The following TAB2 variants were observed in gnomAD, a reference collection of about 807,000 sequenced individuals.
The protein encoded by TAB2 is TGF-beta-activated kinase 1 and MAP3K7-binding protein 2.
Under a neutral mutation model 65.0 loss-of-function variants are expected in TAB2, and 3 were observed. The ratio of observed to expected loss-of-function variants is 0.05; its 90% CI spans 0.02 to 0.12. The LOEUF is 0.12. TAB2 is among the 10% of genes least tolerant of loss of function. The pLI is 1.00. For synonymous variants in TAB2, 298 were observed against 285.1 expected (o/e 1.05, Z -0.46); for missense variants, 623 against 840.3 (o/e 0.74, Z 3.20).
chr6:149,394,589 A>G (rs927494156), intron 3 of TAB2, among the ~76,000 whole-genome samples: 2 of 152,098 alleles, frequency 1.3e-5, no homozygotes, highest in Non-Finnish European at 2.9e-5. Context: ...TTTTTCTTTC[A>G]GGTTATTATT....
In TAB2 at chr6:149,378,869, A is replaced by C; in HGVS notation, c.954A>C (p.Ser318=). The change falls in exon 3 of 7, where the codon TCA becomes TCC. Residue 318 remains serine (S), a synonymous_variant. Coordinates refer to ENST00000637181, the MANE Select transcript of TAB2 (RefSeq NM_001292034.3). ...GCCAATATAACATTCAGAATATTTC[A>C]ACAGGACCTCGAAAAAACCAGATTG... ...AHSQYNIQNI[S]TGPRKNQIEI... 1 of 1,614,208 alleles carries C rather than the reference A, an allele frequency of 6.2e-7. No individual in the cohort carries two copies.
intron 1 of TAB2, among the ~76,000 whole-genome samples, chr6:149,232,101 C>G (rs888995034): frequency 6.6e-6 from 1 of 152,072 alleles, no homozygotes; most frequent in Non-Finnish European, 1.5e-5. Context: ...GGGAACAAGA[C>G]GTGCGCTAGA....
intron 1 of TAB2, among the ~76,000 whole-genome samples, chr6:149,345,236 A>G (rs1183658050): frequency 6.6e-6 from 1 of 152,142 alleles, no homozygotes; most frequent in Non-Finnish European, 1.5e-5. Flanking sequence ...AAATTATGAC[A>G]CTAAGCTTAG....
intron 1 of TAB2, among the ~76,000 whole-genome samples, chr6:149,269,869 T>A (rs568859914): frequency 6.6e-6 from 1 of 152,310 alleles, no homozygotes; most frequent in Admixed American, 6.5e-5. Flanking sequence ...TTGTTTCCAG[T>A]TTTTGGTGAT....
chr6:149,340,648 T>A (rs550217123), intron 1 of TAB2, among the ~76,000 whole-genome samples: 3 of 152,298 alleles, frequency 2.0e-5, no homozygotes, highest in Non-Finnish European at 4.4e-5. Context: ...TTTTATTTGA[T>A]GGTCTTTAAA....
chr6:149,255,648 A>T, intron 1 of TAB2, among the ~76,000 whole-genome samples: 1 of 152,228 alleles, frequency 6.6e-6, no homozygotes, highest in East Asian at 1.9e-4. Flanking sequence ...AATCTAATAA[A>T]TCTGGAAGTG....
At chr6:149,227,717 A>G (rs148126698) in intron 1 of TAB2, among the ~76,000 whole-genome samples, 1 of 152,334 alleles carries the variant, frequency 6.6e-6, no homozygotes, top group Non-Finnish European at 1.5e-5. Flanking sequence ...AAAATCAAGA[A>G]GAGCTGCTAA....
Position 149,378,199 on chromosome 6 carries a change from G to C in TAB2, c.284G>C (p.Ser95Thr). 6.2e-7 allele frequency: 1 copy of C among 1,614,212 alleles called. No individual in the cohort carries two copies. Among genetic ancestry groups the C allele is most frequent in the South Asian group, 1.1e-5 (1 of 91,086 alleles). The change falls in exon 3 of 7, where the codon AGT becomes ACT. Residue 95 changes from serine to threonine, a missense_variant. Physicochemically the swap from Ser to Thr is moderately conservative, Grantham distance 58. This residue lies in a region of TAB2 where 550 missense variants were observed against 665.7 expected (regional missense o/e 0.83). Coordinates refer to ENST00000637181, the MANE Select transcript of TAB2 (RefSeq NM_001292034.3). ...ATTTACCACCATGGAAGAGAAGGAA[G>C]TAGGATGAATGGAAGTAGGACTCTA... Reference protein sequence around the residue: ...QNIYHHGREGSRMNGSRTLTH... With the variant: ...QNIYHHGREGTRMNGSRTLTH...
chr6:149,312,824 AATT>A (rs1259100993), upstream of TAB2, among the ~76,000 whole-genome samples: 2 of 152,220 alleles, frequency 1.3e-5, no homozygotes, highest in African/African-American at 4.8e-5. Flanking sequence ...GAATTGTGAT[AATT>A]AACATATCAT....
At chr6:149,317,417 A>C (rs1259164589), upstream of TAB2, 61 of 169,450 alleles carry the variant, frequency 3.6e-4, no homozygotes, top group East Asian at 1.3e-3. The surrounding 1 kb of genome is among the most constrained non-coding windows in gnomAD (Gnocchi z 4.7). Context: ...CCGCAGCCGC[A>C]GCCGCCGCCG....
intron 1 of TAB2, chr6:149,243,351 G>A (rs142947142): frequency 3.3e-5 from 5 of 152,198 alleles, no homozygotes; most frequent in Admixed American, 2.0e-4. Flanking sequence ...AATATATCGT[G>A]TTCTGCTTTA....
At chr6:149,370,563 T>C (rs1781190903) in intron 2 of TAB2, among the ~76,000 whole-genome samples, 1 of 152,152 alleles carries the variant, frequency 6.6e-6, no homozygotes, top group African/African-American at 2.4e-5. Context: ...TAAAAGAGTT[T>C]GACTAGACAA....
intron 1 of TAB2, among the ~76,000 whole-genome samples, chr6:149,269,730 T>C (rs1361721930): frequency 6.6e-6 from 1 of 152,214 alleles, no homozygotes; most frequent in Non-Finnish European, 1.5e-5. Flanking sequence ...CTTCTTTCAC[T>C]TGGTATATAT....
At position 149,285,593 on chromosome 6, in the gene TAB2, T is replaced by C. The variant is rs755632834; in HGVS notation, c.-121+66817T>C. On this transcript the variant is annotated intron_variant, in intron 1 of 1. Coordinates refer to the TAB2 transcript ENST00000606202. Reference sequence around the variant, plus strand: ...TTCTGAAACTTGTGTGATACTTACATACCCTCTTTGTCACATATGGCCATG... The same window carrying C: ...TTCTGAAACTTGTGTGATACTTACACACCCTCTTTGTCACATATGGCCATG... Among the ~76,000 whole-genome samples the C allele has an allele frequency of 3.3e-5, 5 of 152,232 alleles. 1 individual carries two copies. Among genetic ancestry groups the C allele is most frequent in the Non-Finnish European group, 4.4e-5 (3 of 68,040 alleles).
intron 1 of TAB2, among the ~76,000 whole-genome samples, chr6:149,223,779 T>G (rs1777207820): frequency 1.3e-5 from 2 of 152,202 alleles, no homozygotes; most frequent in Non-Finnish European, 2.9e-5. Flanking sequence ...TGTAATTCCA[T>G]TTTTTATATA....
chr6:149,403,247 A>AATATATATATATATATATATATATAT (rs71010865), intron 6 of TAB2, among the ~76,000 whole-genome samples: 1 of 44,032 alleles, frequency 2.3e-5, no homozygotes, highest in Non-Finnish European at 3.6e-5. Context: ...AAAAAAAAAA[A>AATATATATATATATATATATATATAT]ATATATATAT....
rs561894065 is a variant in TAB2 at position 149,405,341 on chromosome 6, T to C, written c.1940-4236T>C. 1.1e-4 allele frequency among the ~76,000 whole-genome samples: 16 copies of C among 152,348 alleles called. No individual in the cohort carries two copies. The East Asian group carries it at 2.7e-3, about 26-fold the overall frequency. The stretch of plus-strand genomic sequence containing the variant: ...GGAATGTAAGCTGGTGCAGCTATTA[T>C]GAAAAACAGCATGCAGGTTCAAAAA... On this transcript the variant is annotated intron_variant, in intron 6 of 6. Coordinates refer to ENST00000637181, the MANE Select transcript of TAB2 (RefSeq NM_001292034.3).
intron 1 of TAB2, among the ~76,000 whole-genome samples, chr6:149,294,507 A>G (rs770371260): frequency 6.6e-6 from 1 of 152,252 alleles, no homozygotes; most frequent in Non-Finnish European, 1.5e-5. Context: ...GAGGAACACA[A>G]TTTAGCCTAT....
intron 1 of TAB2, among the ~76,000 whole-genome samples, chr6:149,296,355 G>A (rs1347383340): frequency 1.3e-5 from 2 of 152,086 alleles, no homozygotes; most frequent in East Asian, 3.8e-4. Flanking sequence ...TTGTCTTTCA[G>A]GTCCTCAAGC....
Sources: allele counts gnomAD v4.1 joint callset (sites outside exome capture counted in the v4.1 genomes callset), GRCh38; gene constraint gnomAD v4.1.1; regional missense constraint gnomAD v4.1.1; non-coding constraint Gnocchi (gnomAD v3.1); transcripts MANE v1.5; gene names NCBI Gene and HGNC (gene_info 2026-07-23, HGNC 2026-07-21).